PEX6: variants seen among roughly 807,000 people sequenced by gnomAD.
PEX6 encodes peroxisomal biogenesis factor 6.
In PEX6, 55 loss-of-function variants were observed where a neutral mutation model predicts 85.6. The ratio of observed to expected loss-of-function variants is 0.64; its 90% CI spans 0.52 to 0.80. The LOEUF (loss-of-function observed/expected upper bound fraction) is 0.80. PEX6 is among the 30% of genes least tolerant of loss of function. PEX6 has a pLI of 0.00. For synonymous variants in PEX6, 519 were observed against 549.1 expected (o/e 0.95, Z 0.77); for missense variants, 1,099 against 1,260.3 (o/e 0.87, Z 1.94).
chr6:42,972,232 A>C (rs1342631266), intron 3 of PEX6, among the ~76,000 whole-genome samples: 1 of 152,240 alleles, frequency 6.6e-6, no homozygotes, highest in African/African-American at 2.4e-5. Flanking sequence ...CTCTCCTTCT[A>C]GTAAACTGCT....
chr6:42,978,207 C>T (rs1770385267), intron 1 of PEX6, 62 bp downstream of exon 1: 2 of 1,578,428 alleles, frequency 1.3e-6, no homozygotes, highest in South Asian at 2.2e-5. Context: ...TCCAATTTAC[C>T]TAAGACAGAG....
At position 42,966,056 on chromosome 6, in the gene PEX6, T is replaced by C. The variant is rs929525105; in HGVS notation, c.2350A>G (p.Asn784Asp). Reference sequence around the variant, plus strand: ...CCTGCTCACTCACCTTCCCGCACATTCTCCTCACTTTGGCCCACATACATG... The same window carrying C: ...CCTGCTCACTCACCTTCCCGCACATCCTCCTCACTTTGGCCCACATACATG... Reference protein sequence around the residue: ...INMYVGQSEENVREVFARARA... With the variant: ...INMYVGQSEEDVREVFARARA... The change falls in exon 12 of 17, where the codon AAT (asparagine) becomes GAT (aspartate). Residue 784 changes from asparagine to aspartate, a missense_variant. Asn to Asp is a conservative substitution (Grantham distance 23). Around this residue, in one of 3 missense-constraint regions of PEX6, gnomAD observed 514 missense variants for 627.0 expected, o/e 0.82. Coordinates refer to ENST00000304611, the MANE Select transcript of PEX6 (RefSeq NM_000287.4). The C allele has an allele frequency of 1.2e-6, 2 of 1,614,044 alleles. No individual in the cohort carries two copies. The highest frequency in any genetic ancestry group is 1.7e-6 in the Non-Finnish European group (2 of 1,179,996).
In PEX6 at chr6:42,978,769, C is replaced by T. The variant is rs1554128505; in HGVS notation, c.382G>A (p.Gly128Arg). The stretch of plus-strand genomic sequence containing the variant: ...GGTCCGGGCACTGGGAGGGTCTCTC[C>T]GCGCCTCACCAGCAGCGGCCCGACT... ...PRVGPLLVRR[G>R]ETLPVPGPRV... Residue 128 changes from glycine to arginine, a missense_variant, in exon 1 of 17, where the codon GGA (glycine) becomes AGA (arginine). Physicochemically the swap from Gly to Arg is moderately radical, Grantham distance 125. This residue lies in a region of PEX6 where 579 missense variants were observed against 611.6 expected (regional missense o/e 0.95). Coordinates refer to ENST00000304611, the MANE Select transcript of PEX6 (RefSeq NM_000287.4). 2 of 1,534,916 alleles carry T rather than the reference C, an allele frequency of 1.3e-6. No individual in the cohort carries two copies. Among genetic ancestry groups the T allele is most frequent in the Non-Finnish European group, 1.7e-6 (2 of 1,146,780 alleles).
intron 8 of PEX6, 120 bp from the exon 9 acceptor site, chr6:42,966,978 T>G (rs1769841311): frequency 1.5e-5 from 12 of 787,646 alleles, no homozygotes; most frequent in African/African-American, 1.8e-5. Flanking sequence ...TTTTTTTTTT[T>G]TTTTTTTTTT....
intron 3 of PEX6, among the ~76,000 whole-genome samples, chr6:42,972,242 T>C (rs1770085270): frequency 6.6e-6 from 1 of 152,250 alleles, no homozygotes; most frequent in Non-Finnish European, 1.5e-5. Flanking sequence ...AGTAAACTGC[T>C]GCAGGAAATG....
Position 42,978,972 on chromosome 6 carries a change from G to A in PEX6, c.179C>T (p.Pro60Leu), listed in dbSNP as rs1456741132. The A allele has an allele frequency of 1.3e-6, 2 of 1,500,298 alleles. No individual in the cohort carries two copies. The highest frequency in any genetic ancestry group is 2.7e-5 in the East Asian group (1 of 36,838). 92.9% of individuals were successfully genotyped at this position (1,500,298 alleles called of 1,614,324 possible). A position where few individuals can be genotyped will look rare whatever the true frequency, so the allele number is the denominator to read the frequency against. Residue 60 changes from proline (P) to leucine (L), a missense_variant, in exon 1 of 17, where the codon CCG (proline) becomes CTG (leucine). By Grantham distance (98) the Pro-to-Leu change is moderately conservative (BLOSUM62 -3). Transcript: ENST00000304611. Reference sequence around the variant, plus strand: ...ACCCTGCTCTTCGGTGCCCGCGTCCGGCCCCTCCAGGGCTGCCACCAGCAG... The same window carrying A: ...ACCCTGCTCTTCGGTGCCCGCGTCCAGCCCCTCCAGGGCTGCCACCAGCAG... ...PALLVAALEG[P>L]DAGTEEQGPG...
In PEX6 at chr6:42,978,891, C is replaced by A; in HGVS notation, c.260G>T (p.Gly87Val). ...SRALLRLLALGSGAWVRARAV... is the reference protein window; with the variant it reads ...SRALLRLLALVSGAWVRARAV... ...CCGCGCCCGCACCCAGGCCCCGGAG[C>A]CCAGTGCCAGGAGCCGCAGCAGCGC... Residue 87 changes from glycine (G) to valine (V), a missense_variant, in exon 1 of 17, where the codon GGC (glycine) becomes GTC (valine). Physicochemically the swap from Gly to Val is moderately radical, Grantham distance 109. Coordinates refer to ENST00000304611, the MANE Select transcript of PEX6 (RefSeq NM_000287.4). The A allele has an allele frequency of 6.7e-7, 1 of 1,490,482 alleles. No homozygotes were observed. 92.3% of individuals were successfully genotyped at this position (1,490,482 alleles called of 1,614,324 possible).
At position 42,963,908 on chromosome 6, in the gene PEX6, A is replaced by C; in HGVS notation, c.*427T>G. ...CATTGTGTTTATTTATGTCAGAAGGATCAGGCTCCCATGCTGCCCACCCCC... is the reference window on the plus strand; with the variant it reads ...CATTGTGTTTATTTATGTCAGAAGGCTCAGGCTCCCATGCTGCCCACCCCC... On this transcript the variant is annotated 3_prime_UTR_variant, in exon 17 of 17. Coordinates refer to ENST00000304611, the MANE Select transcript of PEX6 (RefSeq NM_000287.4). 1 of 648,950 alleles carries C rather than the reference A, an allele frequency of 1.5e-6. No individual in the cohort carries two copies. The highest frequency in any genetic ancestry group is 2.8e-6 in the Non-Finnish European group (1 of 358,726). 40.2% of individuals were successfully genotyped at this position (648,950 alleles called of 1,614,324 possible). A position where few individuals can be genotyped will look rare whatever the true frequency, so the allele number is the denominator to read the frequency against.
chr6:42,974,994 G>A lies in PEX6; in HGVS notation c.927C>T (p.Cys309=), dbSNP rs1770228479. ...GSIAPEDKGS[C]SLLPGPPFAR... is the part of the protein sequence containing the mutation. Reference sequence around the variant, plus strand: ...CAAATGGAGGCCCAGGCAGCAATGAGCAGCTTCCTTTGTCTTCAGGGGCGA... The same window carrying A: ...CAAATGGAGGCCCAGGCAGCAATGAACAGCTTCCTTTGTCTTCAGGGGCGA... Residue 309 remains cysteine (C), a synonymous_variant, in exon 2 of 17, where the codon TGC becomes TGT. Transcript: ENST00000304611. 1 of 1,613,702 alleles carries A rather than the reference G, an allele frequency of 6.2e-7. No individual in the cohort carries two copies. The highest frequency in any genetic ancestry group is 8.5e-7 in the Non-Finnish European group (1 of 1,179,840).
At position 42,971,321 on chromosome 6, in the gene PEX6, G is replaced by A. The variant is rs1346829589; in HGVS notation, c.1131-1334C>T. 1.3e-5 allele frequency among the ~76,000 whole-genome samples: 2 copies of A among 152,206 alleles called. No individual in the cohort carries two copies. The highest frequency in any genetic ancestry group is 4.8e-5 in the African/African-American group (2 of 41,452). ...AAGCTCAACAGCTGAGTCATGGTGT[G>A]TATGACTCACCATGGAAGCCCTGCA... On this transcript the variant is annotated intron_variant, in intron 3 of 16. Transcript: ENST00000304611. This position sits in a 1 kb window ranked among gnomAD's most constrained non-coding sequence, Gnocchi z 4.4.
chr6:42,969,079 C>A (rs1169508993), intron 5 of PEX6, 94 bp from the exon 6 acceptor site: 9 of 860,846 alleles, frequency 1.0e-5, no homozygotes, highest in Admixed American at 7.8e-5. Flanking sequence ...AAAGCAGATA[C>A]CCTGTTTTTC....
chr6:42,970,460 T>C (rs917071553), intron 3 of PEX6, among the ~76,000 whole-genome samples: 1 of 152,232 alleles, frequency 6.6e-6, no homozygotes, highest in Non-Finnish European at 1.5e-5. Flanking sequence ...GAATAATGGT[T>C]CTGTATTCTG....
chr6:42,966,599 G>A lies in PEX6; in HGVS notation c.2020C>T (p.Leu674Phe). 1 of 1,614,192 alleles carries A rather than the reference G, an allele frequency of 6.2e-7. No homozygotes were observed. The highest frequency in any genetic ancestry group is 8.5e-7 in the Non-Finnish European group (1 of 1,180,040). ...EGELCAAGFP[L>F]LAEDFGQALE... ...GCCTGCCCAAAGTCCTCAGCCAGGA[G>A]AGGAAAGCCGGCAGCACACAGCTCC... The change falls in exon 10 of 17, where the codon CTC (leucine) becomes TTC (phenylalanine). Residue 674 changes from leucine (L) to phenylalanine (F), a missense_variant. Physicochemically the swap from Leu to Phe is conservative, Grantham distance 22 (BLOSUM62 0). Coordinates refer to ENST00000304611, the MANE Select transcript of PEX6 (RefSeq NM_000287.4).
In PEX6 at chr6:42,965,016, G is replaced by A; in HGVS notation, c.2666+59C>T. On this transcript the variant is annotated intron_variant, in intron 15 of 16. Coordinates refer to ENST00000304611, the MANE Select transcript of PEX6 (RefSeq NM_000287.4). The surrounding 1 kb of genome is among the most constrained non-coding windows in gnomAD (Gnocchi z 5.0). ...GACCAGCTCATCCTGCATGTTGCAT[G>A]CATCCCCTAAGCATCCCAAGGCCCA... 1.2e-6 allele frequency: 2 copies of A among 1,610,712 alleles called. No homozygotes were observed. Among genetic ancestry groups the A allele is most frequent in the Non-Finnish European group, 1.7e-6 (2 of 1,176,852 alleles).
intron 3 of PEX6, among the ~76,000 whole-genome samples, chr6:42,973,198 G>A (rs1344725627): frequency 6.6e-6 from 1 of 151,728 alleles, no homozygotes; most frequent in Non-Finnish European, 1.5e-5. Flanking sequence ...TTTTAGTAGA[G>A]ACAGGGTTTC....
In PEX6 at chr6:42,971,744, A is replaced by G. The variant is rs1027332163; in HGVS notation, c.1131-1757T>C. Among the ~76,000 whole-genome samples the G allele has an allele frequency of 3.9e-5, 6 of 152,262 alleles. No individual in the cohort carries two copies. Among genetic ancestry groups the G allele is most frequent in the African/African-American group, 1.4e-4 (6 of 41,474 alleles). ...GAAAAGAACTATGTGCTCGGCACTC[A>G]GGAGGAAAGCAGGGTTCTACAGAGT... On this transcript the variant is annotated intron_variant, in intron 3 of 16. Coordinates refer to ENST00000304611, the MANE Select transcript of PEX6 (RefSeq NM_000287.4). The surrounding 1 kb of genome is among the most constrained non-coding windows in gnomAD (Gnocchi z 4.4).
Position 42,966,627 on chromosome 6 carries a change from C to T in PEX6, c.1992G>A (p.Glu664=), listed in dbSNP as rs267608230. 15 of 1,614,066 alleles carry T rather than the reference C, an allele frequency of 9.3e-6. No homozygotes were observed. The highest frequency in any genetic ancestry group is 1.3e-5 in the Non-Finnish European group (15 of 1,180,044). The change falls in exon 10 of 17, where the codon GAG becomes GAA. Residue 664 remains glutamate (E), a synonymous_variant. Coordinates refer to ENST00000304611, the MANE Select transcript of PEX6 (RefSeq NM_000287.4). The part of the protein sequence containing the change: ...GLAGGLTEED[E]GELCAAGFPL... ...GAAAGCCGGCAGCACACAGCTCCCCCTCATCCTCCTCAGTCAAGCCACCTG... is the reference window on the plus strand; with the variant it reads ...GAAAGCCGGCAGCACACAGCTCCCCTTCATCCTCCTCAGTCAAGCCACCTG...
At chr6:42,968,585 G>A in intron 6 of PEX6, 87 bp from the exon 7 acceptor site, 1 of 1,233,148 alleles carries the variant, frequency 8.1e-7, no homozygotes, top group Non-Finnish European at 1.2e-6. Context: ...TGGAAGATGT[G>A]GGCCATCTTT....
chr6:42,972,296 T>C (rs1770086383), intron 3 of PEX6, among the ~76,000 whole-genome samples: 1 of 152,128 alleles, frequency 6.6e-6, no homozygotes, highest in Admixed American at 6.6e-5. Flanking sequence ...CTATACATTT[T>C]CCTCCCTACA....
Sources: gnomAD v4.1 joint callset for allele counts (sites outside exome capture counted in the v4.1 genomes callset) on GRCh38, gnomAD v4.1.1 for gene constraint, gnomAD v4.1.1 regional missense constraint, Gnocchi (gnomAD v3.1) non-coding constraint, MANE v1.5 for transcripts, NCBI Gene and HGNC (gene_info 2026-07-23, HGNC 2026-07-21) for gene names.